RBMS3: variants seen among roughly 807,000 people sequenced by gnomAD.
RBMS3 encodes the protein RNA binding motif single stranded interacting protein 3.
RBMS3 carries 27 observed loss-of-function variants against 66.8 expected under a neutral mutation model. That is an observed-to-expected ratio of 0.40 (90% confidence interval 0.30 to 0.56). The LOEUF is 0.56. RBMS3 is among the 20% of genes least tolerant of loss of function. RBMS3 has a pLI of 0.40. For missense variants in RBMS3, 513 were observed against 549.5 expected (o/e 0.93, Z 0.66); for synonymous variants, 188 against 183.0 (o/e 1.03, Z -0.22).
At chr3:29,587,753 A>C (rs899733007) in intron 4 of RBMS3, among the ~76,000 whole-genome samples, 1 of 151,944 alleles carries the variant, frequency 6.6e-6, no homozygotes, top group African/African-American at 2.4e-5. Flanking sequence ...CCGTGTCTGT[A>C]CTGCTAGAAT....
At chr3:29,703,128 C>G (rs1235534947) in intron 4 of RBMS3, among the ~76,000 whole-genome samples, 1 of 152,214 alleles carries the variant, frequency 6.6e-6, no homozygotes, top group African/African-American at 2.4e-5. Flanking sequence ...ATAATTCTCA[C>G]TTACATTTAA....
chr3:29,496,043 T>A lies in RBMS3; in HGVS notation c.307+7544T>A, dbSNP rs2043735128. On this transcript the variant is annotated intron_variant, in intron 3 of 14. Coordinates refer to ENST00000383767, the MANE Select transcript of RBMS3 (RefSeq NM_001003793.3). ...TAAAATAAATGTTCTGTGAAATTTA[T>A]GAGTGTGAGGAATTACATTTTGAGA... Among the ~76,000 whole-genome samples, 4 of 152,202 alleles carry A rather than the reference T, an allele frequency of 2.6e-5. No individual in the cohort carries two copies. The South Asian group carries it at 8.3e-4, about 32-fold the overall frequency.
At chr3:29,299,974 T>G (rs1212077108) in intron 1 of RBMS3, among the ~76,000 whole-genome samples, 2 of 151,324 alleles carry the variant, frequency 1.3e-5, no homozygotes, top group Non-Finnish European at 3.0e-5. Flanking sequence ...CTTGTACGAC[T>G]CAATAGGAAA....
intron 1 of RBMS3, among the ~76,000 whole-genome samples, chr3:29,423,374 C>T (rs564867099): frequency 1.3e-5 from 2 of 152,106 alleles, no homozygotes; most frequent in Admixed American, 6.5e-5. Context: ...TTACTTCCTA[C>T]AAATCTTTTA....
intron 3 of RBMS3, among the ~76,000 whole-genome samples, chr3:29,495,359 T>A (rs1379334457): frequency 6.6e-6 from 1 of 151,994 alleles, no homozygotes; most frequent in African/African-American, 2.4e-5. Flanking sequence ...TTATTTTACT[T>A]TTCTTGTTTA....
At chr3:29,698,225 G>T in intron 4 of RBMS3, 1 of 985,332 alleles carries the variant, frequency 1.0e-6, no homozygotes, top group Non-Finnish European at 1.2e-6. Context: ...AGTCCAGAAA[G>T]TTCTGAGTAA....
intron 3 of RBMS3, among the ~76,000 whole-genome samples, chr3:29,541,968 G>C (rs1419752038): frequency 6.6e-6 from 1 of 152,032 alleles, no homozygotes; most frequent in East Asian, 1.9e-4. Flanking sequence ...CCCAGCTAAA[G>C]GATCAAATCT....
intron 1 of RBMS3, among the ~76,000 whole-genome samples, chr3:29,420,902 A>T (rs1315796864): frequency 1.3e-5 from 2 of 150,670 alleles, no homozygotes; most frequent in Admixed American, 6.6e-5. Flanking sequence ...CAGGAGATTG[A>T]GACCATCCTG....
chr3:29,624,821 G>A (rs1022497892), intron 4 of RBMS3, among the ~76,000 whole-genome samples: 8 of 152,112 alleles, frequency 5.3e-5, no homozygotes, highest in African/African-American at 1.4e-4. Flanking sequence ...AGTGTATGAC[G>A]ATATCTTTTG....
intron 4 of RBMS3, among the ~76,000 whole-genome samples, chr3:29,679,528 A>G (rs1212552048): frequency 6.6e-6 from 1 of 152,060 alleles, no homozygotes; most frequent in African/African-American, 2.4e-5. Context: ...AGCCAAATGG[A>G]TTTTCCTTTT....
chr3:29,911,008 G>C (rs2060500963), intron 10 of RBMS3, among the ~76,000 whole-genome samples: 1 of 151,934 alleles, frequency 6.6e-6, no homozygotes, highest in Admixed American at 6.6e-5. Context: ...GACTCTGTCA[G>C]AAAACAAATA....
At chr3:29,981,909 G>T (rs907324544) in intron 12 of RBMS3, among the ~76,000 whole-genome samples, 1 of 152,176 alleles carries the variant, frequency 6.6e-6, no homozygotes, top group Non-Finnish European at 1.5e-5. Flanking sequence ...TCTCTGCCAG[G>T]TTTTGGTATC....
intron 4 of RBMS3, among the ~76,000 whole-genome samples, chr3:29,640,432 A>G (rs2049658550): frequency 6.6e-6 from 1 of 151,956 alleles, no homozygotes. Context: ...AACAAACACA[A>G]TTCTAAATTT....
intron 4 of RBMS3, among the ~76,000 whole-genome samples, chr3:29,732,029 C>G (rs1197910638): frequency 2.0e-5 from 3 of 152,012 alleles, no homozygotes; most frequent in Non-Finnish European, 2.9e-5. Context: ...CCATCTGTCC[C>G]TCTCCTCCTC....
chr3:29,959,050 C>T (rs751470839), intron 12 of RBMS3, among the ~76,000 whole-genome samples: 3 of 152,106 alleles, frequency 2.0e-5, no homozygotes, highest in Non-Finnish European at 2.9e-5. Context: ...TACCTCATCC[C>T]ATCTTAATGC....
At chr3:29,541,823 T>C (rs1457814812) in intron 3 of RBMS3, among the ~76,000 whole-genome samples, 1 of 152,054 alleles carries the variant, frequency 6.6e-6, no homozygotes, top group Non-Finnish European at 1.5e-5. Flanking sequence ...TCACCTGCTC[T>C]ATTCACTGCC....
chr3:29,548,390 G>A (rs748055212), intron 3 of RBMS3, among the ~76,000 whole-genome samples: 7 of 150,680 alleles, frequency 4.6e-5, no homozygotes, highest in Admixed American at 6.6e-5. Flanking sequence ...TGATCGTGCC[G>A]TTGTACTCTA....
intron 8 of RBMS3, among the ~76,000 whole-genome samples, chr3:29,895,719 A>T (rs2060110556): frequency 6.6e-6 from 1 of 151,484 alleles, no homozygotes; most frequent in South Asian, 2.1e-4. Flanking sequence ...TTTTCCATAA[A>T]CAAAAGTTTT....
chr3:29,904,932 A>T (rs1158971163), intron 10 of RBMS3, among the ~76,000 whole-genome samples: 1 of 152,010 alleles, frequency 6.6e-6, no homozygotes, highest in Non-Finnish European at 1.5e-5. Flanking sequence ...ACAGTTAGTA[A>T]GTTTATAGTG....
Sources: gnomAD v4.1 joint callset for allele counts (sites outside exome capture counted in the v4.1 genomes callset) on GRCh38, gnomAD v4.1.1 for gene constraint, MANE v1.5 for transcripts, NCBI Gene and HGNC (gene_info 2026-07-23, HGNC 2026-07-21) for gene names.